Variants in TAOK1 observed in about 807,000 individuals in gnomAD.
The protein encoded by TAOK1 is TAO kinase 1.
In TAOK1, 21 loss-of-function variants were observed where a neutral mutation model predicts 138.3. The observed-to-expected ratio is 0.15, with a 90% confidence interval of 0.11 to 0.22. The LOEUF (loss-of-function observed/expected upper bound fraction) is 0.22. Ranked by LOEUF, TAOK1 falls within the 10% of genes least tolerant of loss-of-function variation. The pLI, the probability that TAOK1 is intolerant of heterozygous loss-of-function variation, is 1.00. For synonymous variants in TAOK1, 361 were observed against 398.4 expected (o/e 0.91, Z 1.12); for missense variants, 651 against 1,227.7 (o/e 0.53, Z 7.02).
At chr17:29,510,545 G>A (rs1253248338) in intron 14 of TAOK1, among the ~76,000 whole-genome samples, 1 of 152,044 alleles carries the variant, frequency 6.6e-6, no homozygotes, top group Non-Finnish European at 1.5e-5. Flanking sequence ...ATAAAATATA[G>A]CATTTGTTTT....
chr17:29,459,017 G>GCCTAATTT (rs2030467674), intron 2 of TAOK1, among the ~76,000 whole-genome samples: 1 of 152,064 alleles, frequency 6.6e-6, no homozygotes, highest in South Asian at 2.1e-4. Flanking sequence ...ACTTTGCCCA[G>GCCTAATTT]CCTAATTTTT....
intron 2 of TAOK1, among the ~76,000 whole-genome samples, chr17:29,461,796 A>C (rs1291187171): frequency 6.6e-6 from 1 of 151,964 alleles, no homozygotes; most frequent in Non-Finnish European, 1.5e-5. Context: ...GAAACTCTCC[A>C]ATTCAGGTTA....
intron 8 of TAOK1, among the ~76,000 whole-genome samples, chr17:29,483,488 A>G (rs2031106796): frequency 6.6e-6 from 1 of 152,226 alleles, no homozygotes; most frequent in Admixed American, 6.5e-5. Context: ...AGTTTTCTAA[A>G]ATAAGTATAG....
At chr17:29,470,207 T>C (rs970366678) in intron 3 of TAOK1, among the ~76,000 whole-genome samples, 1 of 152,222 alleles carries the variant, frequency 6.6e-6, no homozygotes, top group Non-Finnish European at 1.5e-5. Flanking sequence ...AGAGTAACTA[T>C]GTTTAGGATG....
intron 4 of TAOK1, among the ~76,000 whole-genome samples, chr17:29,476,441 G>A (rs1186272083): frequency 1.3e-5 from 2 of 152,108 alleles, no homozygotes; most frequent in Non-Finnish European, 2.9e-5. Context: ...CATTAGATGG[G>A]TAACCTCTCT....
chr17:29,514,150 G>C (rs2031773528), intron 15 of TAOK1: 1 of 152,002 alleles, frequency 6.6e-6, no homozygotes, highest in South Asian at 2.1e-4. Flanking sequence ...CAGGTATATA[G>C]TCTACTTGTG....
chr17:29,480,403 C>T lies in TAOK1; in HGVS notation c.485C>T (p.Pro162Leu). 6.2e-7 allele frequency: 1 copy of T among 1,612,884 alleles called. No individual in the cohort carries two copies. The highest frequency in any genetic ancestry group is 8.5e-7 in the Non-Finnish European group (1 of 1,179,194). ...IKAGNILLTE[P>L]GQVKLADFGS... ...GCAGGAAATATCCTTCTGACAGAAC[C>T]AGGCCAGGTGAAACTTGCTGACTTT... The change falls in exon 7 of 20, where the codon CCA (proline) becomes CTA (leucine). Residue 162 changes from proline (P) to leucine (L), a missense_variant. Physicochemically the swap from Pro to Leu is moderately conservative, Grantham distance 98. Transcript: ENST00000261716.
intron 1 of TAOK1, among the ~76,000 whole-genome samples, chr17:29,402,584 T>G (rs1479970328): frequency 6.6e-6 from 1 of 152,132 alleles, no homozygotes; most frequent in African/African-American, 2.4e-5. Flanking sequence ...GGATTACAGG[T>G]GTGAGCCACC....
chr17:29,467,205 C>T lies in TAOK1; in HGVS notation c.193C>T (p.Gln65Ter), dbSNP rs1249369976. ...AIKKMSYSGK[Q>*]STEKWQDIIK... ...CAAGAAAATGTCTTATAGTGGAAAGCAGTCTACTGAGGTAGGTTAAATATG... is the reference window on the plus strand; with the variant it reads ...CAAGAAAATGTCTTATAGTGGAAAGTAGTCTACTGAGGTAGGTTAAATATG... The change falls in exon 3 of 20, where the codon CAG (glutamine) becomes TAG (stop). Residue 65 changes from glutamine to a stop codon, truncating the protein, a stop_gained. Coordinates refer to ENST00000261716, the MANE Select transcript of TAOK1 (RefSeq NM_020791.4). LOFTEE classifies it high-confidence loss of function. 2 of 1,600,262 alleles carry T rather than the reference C, an allele frequency of 1.2e-6. No individual in the cohort carries two copies. The highest frequency in any genetic ancestry group is 8.5e-7 in the Non-Finnish European group (1 of 1,170,820).
intron 1 of TAOK1, among the ~76,000 whole-genome samples, chr17:29,392,139 C>T (rs1332686627): frequency 6.6e-6 from 1 of 152,124 alleles, no homozygotes; most frequent in Non-Finnish European, 1.5e-5. Context: ...TCGCTTGAAC[C>T]CGGGAGGCGG....
chr17:29,532,239 A>G (rs1272466025), intron 18 of TAOK1, among the ~76,000 whole-genome samples: 2 of 152,198 alleles, frequency 1.3e-5, no homozygotes, highest in East Asian at 3.9e-4. Flanking sequence ...GCGCCTGCTC[A>G]TACTTTGCTT....
intron 9 of TAOK1, 111 bp from the exon 10 acceptor site, chr17:29,491,673 T>A (rs2031297599): frequency 1.3e-6 from 1 of 749,412 alleles, no homozygotes; most frequent in Admixed American, 2.1e-5. Context: ...TGCTTTTTTT[T>A]AATCATTCCC....
chr17:29,540,850 G>A (rs35914520), intron 19 of TAOK1, among the ~76,000 whole-genome samples: 53,767 of 151,698 alleles, frequency 0.35, 11,398 homozygotes, highest in Non-Finnish European at 0.48. Context: ...GATTACAGTC[G>A]TGAGCCACTG....
intron 1 of TAOK1, among the ~76,000 whole-genome samples, chr17:29,393,589 A>G (rs1904497806): frequency 6.6e-6 from 1 of 152,168 alleles, no homozygotes; most frequent in Non-Finnish European, 1.5e-5. Flanking sequence ...TTATGTTTCT[A>G]AATAGTTCAT....
chr17:29,525,726 G>T (rs1055993801), intron 17 of TAOK1, among the ~76,000 whole-genome samples: 1 of 152,202 alleles, frequency 6.6e-6, no homozygotes, highest in Non-Finnish European at 1.5e-5. Context: ...AAAACTTTTC[G>T]CTGGGGCAGT....
intron 8 of TAOK1, among the ~76,000 whole-genome samples, chr17:29,486,065 C>T (rs1033155647): frequency 6.6e-6 from 1 of 152,066 alleles, no homozygotes; most frequent in Non-Finnish European, 1.5e-5. Flanking sequence ...GTGGGAAGAT[C>T]GCTTGAGCCC....
intron 15 of TAOK1, chr17:29,514,997 TAAAAAAAAAAAA>T (rs33933134): frequency 2.0e-5 from 2 of 101,984 alleles, no homozygotes; most frequent in East Asian, 3.3e-4. Context: ...AAATTCGATC[TAAAAAAAAAAAA>T]AAAAAAAAAA....
At chr17:29,467,275 A>G in intron 3 of TAOK1, 59 bp downstream of exon 3, 1 of 1,141,620 alleles carries the variant, frequency 8.8e-7, no homozygotes. Context: ...ATAAATATAT[A>G]CATTCTTTTT....
rs1161474612 is a variant in TAOK1, at chr17:29,548,646, A to G, written c.*5624A>G. 1 of 152,154 alleles carries G rather than the reference A, an allele frequency of 6.6e-6. No individual in the cohort carries two copies. Among genetic ancestry groups the G allele is most frequent in the Non-Finnish European group, 1.5e-5 (1 of 67,992 alleles). The allele number at this position is 152,154 out of a possible 1,614,324, so 9.4% of individuals were successfully genotyped here. ...TTCCCCCCAAAGTACGGGTAATTCA[A>G]CCTGCACAGTTTTCTTTCACTCAAA... On this transcript the variant is annotated 3_prime_UTR_variant, in exon 20 of 20. Transcript: ENST00000261716.
Sources: gnomAD v4.1 joint callset for allele counts (sites outside exome capture counted in the v4.1 genomes callset) on GRCh38, gnomAD v4.1.1 for gene constraint, MANE v1.5 for transcripts, NCBI Gene and HGNC (gene_info 2026-07-23, HGNC 2026-07-21) for gene names.